The following CLPB variants were observed in gnomAD, a reference collection of about 807,000 sequenced individuals.
CLPB encodes ClpB family mitochondrial disaggregase.
A neutral mutation model predicts 78.4 loss-of-function variants in CLPB; 40 were observed. That is an observed-to-expected ratio of 0.51 (90% CI 0.40 to 0.66). The LOEUF (loss-of-function observed/expected upper bound fraction) is 0.66, where lower values mean the gene tolerates loss of function less well. CLPB is among the 30% of genes least tolerant of loss of function. CLPB has a pLI of 0.00. For synonymous variants in CLPB, 333 were observed against 348.0 expected, an observed-to-expected ratio of 0.96 and a Z score of 0.48; for missense variants, 780 against 886.9, an observed-to-expected ratio of 0.88 and a Z score of 1.53.
rs957666458 is a variant in CLPB at position 72,314,405 on chromosome 11, T to C, written c.988+2701A>G. ...GGGGTCAAAGGTCAAGGAGTATGGCTGTAATAAGCTATTCTATAGTTGTAT... is the reference window on the plus strand; with the variant it reads ...GGGGTCAAAGGTCAAGGAGTATGGCCGTAATAAGCTATTCTATAGTTGTAT... On this transcript the variant is annotated intron_variant, in intron 7 of 15. Transcript: ENST00000538039. Among the ~76,000 whole-genome samples the C allele has an allele frequency of 2.0e-5, 3 of 152,278 alleles. No individual in the cohort carries two copies. The South Asian group carries it at 6.2e-4, about 32-fold the overall frequency.
intron 10 of CLPB, 66 bp downstream of exon 10, chr11:72,302,238 A>T (rs1949669350): frequency 6.6e-7 from 1 of 1,519,322 alleles, no homozygotes; most frequent in Non-Finnish European, 9.1e-7. Context: ...CCAAATGACA[A>T]GACCCCGGCA....
chr11:72,298,262 G>A (rs1418251551), intron 11 of CLPB, among the ~76,000 whole-genome samples: 1 of 152,110 alleles, frequency 6.6e-6, no homozygotes, highest in Non-Finnish European at 1.5e-5. Context: ...ACTAGACTGG[G>A]TAGGGGTGAG....
chr11:72,302,267 C>T lies in CLPB; in HGVS notation c.1167+37G>A, dbSNP rs1949670216. On this transcript the variant is annotated intron_variant, in intron 10 of 15. Coordinates refer to ENST00000538039, the MANE Select transcript of CLPB (RefSeq NM_001258392.3). ...CCCGGCAGTCATGCTGACAAGCCCT[C>T]CAAACCATGCTTCAATCAAGGACTG... 3.7e-6 allele frequency: 6 copies of T among 1,609,656 alleles called. 1 individual carries two copies. In the South Asian group the frequency reaches 6.6e-5, roughly 18 times the overall value.
chr11:72,336,888 C>T lies in CLPB; in HGVS notation c.776-7084G>A, dbSNP rs1950332335. 7.7e-6 allele frequency: 3 copies of T among 390,594 alleles called. No individual in the cohort carries two copies. The East Asian group carries it at 1.1e-4, about 14-fold the overall frequency. 24.2% of individuals were successfully genotyped at this position (390,594 alleles called of 1,614,324 possible). Reference sequence around the variant, plus strand: ...TGTCCACGCTCAGCTCCACTCTGTCCCCACCTGTGGTCTCTCCGATTACCC... The same window carrying T: ...TGTCCACGCTCAGCTCCACTCTGTCTCCACCTGTGGTCTCTCCGATTACCC... On this transcript the variant is annotated intron_variant, in intron 5 of 15. Coordinates refer to ENST00000538039, the MANE Select transcript of CLPB (RefSeq NM_001258392.3).
At chr11:72,410,504 A>T (rs1855844795) in intron 2 of CLPB, among the ~76,000 whole-genome samples, 1 of 152,246 alleles carries the variant, frequency 6.6e-6, no homozygotes, top group South Asian at 2.1e-4. Flanking sequence ...AAATAGCATA[A>T]GAAGAGCTTA....
chr11:72,294,355 G>A lies in CLPB; in HGVS notation c.1650C>T (p.Val550=). Residue 550 remains valine, a synonymous_variant, in exon 14 of 16, where the codon GTC becomes GTT. Transcript: ENST00000538039. The stretch of plus-strand genomic sequence containing the variant: ...TGGCCCAGAAGTTTAGTTCCTTGTT[G>A]ACGAGTTGGATGAGCTCCGAGTGGC... The part of the protein sequence containing the change: ...PFCHSELIQL[V]NKELNFWAKR... 1 of 1,614,186 alleles carries A rather than the reference G, an allele frequency of 6.2e-7. No individual in the cohort carries two copies. The highest frequency in any genetic ancestry group is 8.5e-7 in the Non-Finnish European group (1 of 1,180,040).
intron 3 of CLPB, among the ~76,000 whole-genome samples, chr11:72,390,876 G>A (rs1270530092): frequency 6.6e-6 from 1 of 152,204 alleles, no homozygotes; most frequent in South Asian, 2.1e-4. Flanking sequence ...GTTCATCACA[G>A]CATTCTGTGG....
At position 72,293,155 on chromosome 11, in the gene CLPB, T is replaced by C; in HGVS notation, c.*212A>G. 3.4e-6 allele frequency: 2 copies of C among 580,308 alleles called. No individual in the cohort carries two copies. The highest frequency in any genetic ancestry group is 5.9e-5 in the East Asian group (2 of 33,860). 35.9% of individuals were successfully genotyped at this position (580,308 alleles called of 1,614,324 possible). A position where few individuals can be genotyped will look rare whatever the true frequency, so the allele number is the denominator to read the frequency against. Reference sequence around the variant, plus strand: ...CTCTCCTGAAGGCTTGTTAGCAGGTTATGGGCCCACAACAAAGGGGCCAGA... The same window carrying C: ...CTCTCCTGAAGGCTTGTTAGCAGGTCATGGGCCCACAACAAAGGGGCCAGA... On this transcript the variant is annotated 3_prime_UTR_variant, in exon 16 of 16. Transcript: ENST00000538039.
At chr11:72,339,728 G>A (rs1950385219) in intron 5 of CLPB, among the ~76,000 whole-genome samples, 2 of 152,206 alleles carry the variant, frequency 1.3e-5, no homozygotes, top group African/African-American at 4.8e-5. Context: ...TCCTGATCCA[G>A]TTGAGGGGAG....
At chr11:72,385,711 T>C (rs963413712) in intron 3 of CLPB, among the ~76,000 whole-genome samples, 4 of 152,102 alleles carry the variant, frequency 2.6e-5, no homozygotes, top group Non-Finnish European at 4.4e-5. Context: ...TAATCCCAGC[T>C]ACTTGGGAGG....
chr11:72,297,699 GT>G (rs1203875456), intron 11 of CLPB, among the ~76,000 whole-genome samples: 2 of 125,296 alleles, frequency 1.6e-5, no homozygotes, highest in Non-Finnish European at 3.2e-5. Context: ...GTGTGTGTGT[GT>G]GTGACATGTC....
chr11:72,333,128 G>C (rs1163558457), intron 5 of CLPB, among the ~76,000 whole-genome samples: 1 of 152,174 alleles, frequency 6.6e-6, no homozygotes, highest in East Asian at 1.9e-4. Context: ...AGCTTTATTT[G>C]CTTGAACTAG....
intron 5 of CLPB, among the ~76,000 whole-genome samples, chr11:72,331,179 T>C (rs58945323): frequency 0.18 from 27,669 of 151,692 alleles, 4,136 homozygotes; most frequent in African/African-American, 0.41. Flanking sequence ...CCAAGGCAGG[T>C]GATCACGAGG....
intron 11 of CLPB, among the ~76,000 whole-genome samples, chr11:72,298,782 C>G (rs1949604294): frequency 6.6e-6 from 1 of 152,160 alleles, no homozygotes; most frequent in Non-Finnish European, 1.5e-5. Flanking sequence ...ACAGGTGTGA[C>G]CCATCATGCC....
chr11:72,344,290 C>T (rs1043913893), intron 5 of CLPB, among the ~76,000 whole-genome samples: 4 of 152,080 alleles, frequency 2.6e-5, no homozygotes, highest in Non-Finnish European at 1.5e-5. Context: ...CTTATTGCAA[C>T]CTCCACCTCC....
At chr11:72,383,762 T>C (rs964625789) in intron 3 of CLPB, among the ~76,000 whole-genome samples, 1 of 151,964 alleles carries the variant, frequency 6.6e-6, no homozygotes, top group Non-Finnish European at 1.5e-5. Flanking sequence ...CAAGGAAAGA[T>C]AAAGACTTTC....
intron 5 of CLPB, among the ~76,000 whole-genome samples, chr11:72,331,882 T>A (rs1950233630): frequency 6.6e-6 from 1 of 152,122 alleles, no homozygotes; most frequent in Non-Finnish European, 1.5e-5. Flanking sequence ...CCACAGTCTC[T>A]ACTTCTTAAA....
intron 1 of CLPB, among the ~76,000 whole-genome samples, chr11:72,431,067 G>A (rs139921296): frequency 1.3e-5 from 2 of 152,208 alleles, no homozygotes; most frequent in African/African-American, 2.4e-5. Flanking sequence ...CCAGGGAAGG[G>A]AGACCCAAAG....
At chr11:72,346,690 A>C (rs1950520834) in intron 5 of CLPB, among the ~76,000 whole-genome samples, 1 of 152,120 alleles carries the variant, frequency 6.6e-6, no homozygotes, top group Non-Finnish European at 1.5e-5. Flanking sequence ...TAAAATGGTA[A>C]GTACCCACCG....
Sources: allele counts gnomAD v4.1 joint callset (sites outside exome capture counted in the v4.1 genomes callset), GRCh38; gene constraint gnomAD v4.1.1; transcripts MANE v1.5; gene names NCBI Gene and HGNC (gene_info 2026-07-23, HGNC 2026-07-21).